FRMD4A: variants seen among roughly 807,000 people sequenced by gnomAD.
FRMD4A encodes the protein FERM domain-containing protein 4A.
Under a neutral mutation model 129.1 loss-of-function variants are expected in FRMD4A, and 29 were observed. That is an observed-to-expected ratio of 0.22 (90% CI 0.17 to 0.31). FRMD4A has a LOEUF of 0.31. Ranked by LOEUF, FRMD4A falls within the 10% of genes least tolerant of loss-of-function variation. FRMD4A has a pLI of 1.00. For synonymous variants in FRMD4A, 634 were observed against 571.6 expected (o/e 1.11, Z -1.56); for missense variants, 1,272 against 1,375.8 (o/e 0.92, Z 1.19).
At chr10:13,954,718 G>C (rs1397752077) in intron 2 of FRMD4A, among the ~76,000 whole-genome samples, 2 of 152,176 alleles carry the variant, frequency 1.3e-5, no homozygotes, top group Non-Finnish European at 2.9e-5. Flanking sequence ...GCCTGTGTGA[G>C]TTATTGGGGT....
At chr10:13,729,758 A>G (rs1359701959) in intron 12 of FRMD4A, among the ~76,000 whole-genome samples, 1 of 152,198 alleles carries the variant, frequency 6.6e-6, no homozygotes, top group South Asian at 2.1e-4. Context: ...CTAAGTGTAC[A>G]TAAAAGCCCC....
intron 2 of FRMD4A, among the ~76,000 whole-genome samples, chr10:13,967,195 G>C (rs909661946): frequency 1.3e-5 from 2 of 152,238 alleles, no homozygotes; most frequent in African/African-American, 4.8e-5. Flanking sequence ...AAATTAGCCA[G>C]GCTTGGTGGC....
intron 2 of FRMD4A, chr10:14,008,324 T>A: frequency 9.6e-7 from 1 of 1,038,290 alleles, no homozygotes; most frequent in South Asian, 3.3e-5. Context: ...TGAGTCAAGA[T>A]GTGGTTTGTC....
At chr10:14,075,882 C>T (rs1466262910) in intron 2 of FRMD4A, among the ~76,000 whole-genome samples, 2 of 152,200 alleles carry the variant, frequency 1.3e-5, no homozygotes. Context: ...CCCCCAGTTA[C>T]AGGAAGAGAT....
intron 2 of FRMD4A, among the ~76,000 whole-genome samples, chr10:14,171,182 C>T (rs1017188873): frequency 5.3e-5 from 8 of 152,130 alleles, no homozygotes; most frequent in African/African-American, 1.9e-4. Context: ...CCTTTACTCT[C>T]ATAGAAGAAA....
At chr10:14,198,391 A>G (rs1842533686) in intron 2 of FRMD4A, among the ~76,000 whole-genome samples, 1 of 152,194 alleles carries the variant, frequency 6.6e-6, no homozygotes, top group Non-Finnish European at 1.5e-5. Flanking sequence ...GTTCTTGGCC[A>G]GGCGGAATAG....
intron 5 of FRMD4A, among the ~76,000 whole-genome samples, chr10:13,783,789 G>T (rs915515876): frequency 1.3e-5 from 2 of 152,158 alleles, no homozygotes; most frequent in Admixed American, 6.5e-5. Context: ...TATGCTAAGT[G>T]CTCTTAACAC....
At position 14,171,210 on chromosome 10, in the gene FRMD4A, CT is replaced by C. The variant is rs769448506; in HGVS notation, c.45+158847del. 9.0e-4 allele frequency among the ~76,000 whole-genome samples: 137 copies of C among 152,230 alleles called. 2 individuals are homozygous for C. The highest frequency in any genetic ancestry group is 7.4e-3 in the Admixed American group (113 of 15,292). Reference sequence around the variant, plus strand: ...AGAAGAAACCACTCAATCACCTTCTCTCTCTCTCTTTTTTTCTTGCTTTTTT... The same window carrying C: ...AGAAGAAACCACTCAATCACCTTCTCCTCTCTCTTTTTTTCTTGCTTTTTT... On this transcript the variant is annotated intron_variant, in intron 2 of 24. Coordinates refer to ENST00000357447, the MANE Select transcript of FRMD4A (RefSeq NM_018027.5).
intron 2 of FRMD4A, among the ~76,000 whole-genome samples, chr10:14,019,219 A>C (rs1034569720): frequency 7.2e-5 from 11 of 152,220 alleles, no homozygotes; most frequent in African/African-American, 2.7e-4. Context: ...TGTCTCAAAA[A>C]AGAAAAAAAA....
intron 2 of FRMD4A, among the ~76,000 whole-genome samples, chr10:14,248,816 T>G (rs904775703): frequency 6.6e-6 from 1 of 152,228 alleles, no homozygotes; most frequent in African/African-American, 2.4e-5. Context: ...CAGTAAGCAC[T>G]CCAAACAAGC....
At chr10:13,695,092 GA>G (rs1403061339) in intron 14 of FRMD4A, among the ~76,000 whole-genome samples, 1 of 151,818 alleles carries the variant, frequency 6.6e-6, no homozygotes, top group Non-Finnish European at 1.5e-5. Flanking sequence ...AGAATAATTA[GA>G]AAAAACTCTA....
chr10:14,193,679 C>T (rs1842388670), intron 2 of FRMD4A, among the ~76,000 whole-genome samples: 1 of 135,222 alleles, frequency 7.4e-6, no homozygotes, highest in African/African-American at 2.8e-5. Flanking sequence ...CAGTGCTGGT[C>T]TACAAATTAA....
chr10:14,066,069 G>C (rs1212255667), intron 2 of FRMD4A, among the ~76,000 whole-genome samples: 3 of 149,648 alleles, frequency 2.0e-5, no homozygotes, highest in Non-Finnish European at 4.5e-5. Context: ...GATGAGGATA[G>C]AGAATGGTGG....
chr10:13,897,909 C>G (rs2094776033), intron 2 of FRMD4A, among the ~76,000 whole-genome samples: 1 of 142,578 alleles, frequency 7.0e-6, no homozygotes, highest in Non-Finnish European at 1.5e-5. Context: ...TGCACTCCAG[C>G]CTGGGTGACA....
At chr10:14,065,030 G>A (rs1269970085) in intron 2 of FRMD4A, among the ~76,000 whole-genome samples, 2 of 152,138 alleles carry the variant, frequency 1.3e-5, no homozygotes, top group African/African-American at 4.8e-5. Flanking sequence ...GCATTTCAAC[G>A]TATACTACTG....
chr10:14,192,969 A>G (rs2131925359), intron 2 of FRMD4A, among the ~76,000 whole-genome samples: 1 of 152,380 alleles, frequency 6.6e-6, no homozygotes, highest in Middle Eastern at 3.4e-3. Flanking sequence ...CCACAAAAAG[A>G]AATAAAGAGT....
chr10:13,946,000 G>A (rs778062815), intron 2 of FRMD4A, among the ~76,000 whole-genome samples: 3 of 152,176 alleles, frequency 2.0e-5, no homozygotes, highest in South Asian at 2.1e-4. Flanking sequence ...GCCTTCTTGC[G>A]TCTCAGAGCA....
intron 14 of FRMD4A, among the ~76,000 whole-genome samples, chr10:13,694,517 T>C (rs1160460908): frequency 1.3e-5 from 2 of 152,164 alleles, no homozygotes; most frequent in Non-Finnish European, 2.9e-5. Flanking sequence ...ACTGTGGTTA[T>C]AATTATTTAG....
chr10:13,748,231 G>A (rs1014052142), intron 8 of FRMD4A, among the ~76,000 whole-genome samples: 3 of 152,184 alleles, frequency 2.0e-5, no homozygotes, highest in African/African-American at 7.2e-5. Flanking sequence ...AGAGCTCCGA[G>A]AATGGGCAAT....
Sources: gnomAD v4.1 joint callset for allele counts (sites outside exome capture counted in the v4.1 genomes callset) on GRCh38, gnomAD v4.1.1 for gene constraint, MANE v1.5 for transcripts, NCBI Gene and HGNC (gene_info 2026-07-23, HGNC 2026-07-21) for gene names.